The following GNG2 variants were observed in gnomAD, a reference collection of about 807,000 sequenced individuals.
The protein encoded by GNG2 is G protein subunit gamma 2.
Under a neutral mutation model 5.5 loss-of-function variants are expected in GNG2, and 5 were observed. That is an observed-to-expected ratio of 0.91 (90% CI 0.48 to 1.92). The LOEUF (loss-of-function observed/expected upper bound fraction) is 1.92, where lower values mean the gene tolerates loss of function less well. GNG2 is among the 30% of genes most tolerant of loss of function. The pLI, the probability that GNG2 is intolerant of heterozygous loss-of-function variation, is 0.01. For synonymous variants in GNG2, 28 were observed against 32.0 expected, an observed-to-expected ratio of 0.88 and a Z score of 0.42; for missense variants, 55 against 88.4, an observed-to-expected ratio of 0.62 and a Z score of 1.52.
At chr14:51,918,599 A>G (rs1336645156) in intron 2 of GNG2, 1 of 151,896 alleles carries the variant, frequency 6.6e-6, no homozygotes, top group African/African-American at 2.4e-5. Context: ...AAAATAAGTA[A>G]AAAAATAAAC....
At chr14:51,833,384 T>A (rs546806245) in intron 2 of GNG2, among the ~76,000 whole-genome samples, 8 of 152,354 alleles carry the variant, frequency 5.3e-5, no homozygotes, top group Middle Eastern at 3.4e-3. Flanking sequence ...CTAATGTAGA[T>A]CACTTTACCC....
At chr14:51,853,245 G>C (rs1302559726) in intron 2 of GNG2, among the ~76,000 whole-genome samples, 1 of 152,206 alleles carries the variant, frequency 6.6e-6, no homozygotes, top group African/African-American at 2.4e-5. Flanking sequence ...ACAAAGTGCT[G>C]TGCGAGGTGG....
intron 2 of GNG2, among the ~76,000 whole-genome samples, chr14:51,884,676 C>T (rs994520455): frequency 2.0e-5 from 3 of 152,120 alleles, no homozygotes; most frequent in African/African-American, 7.2e-5. Context: ...TTGATTCTGC[C>T]CCTTGGACAA....
chr14:51,886,158 A>G (rs1594876493), intron 2 of GNG2, among the ~76,000 whole-genome samples: 1 of 152,250 alleles, frequency 6.6e-6, no homozygotes, highest in Non-Finnish European at 1.5e-5. Flanking sequence ...TGATGTCACC[A>G]TGGAAATATA....
At chr14:51,925,787 AT>A (rs11288986) in intron 2 of GNG2, among the ~76,000 whole-genome samples, 79,953 of 147,082 alleles carry the variant, frequency 0.54, 21,918 homozygotes, top group African/African-American at 0.67. Flanking sequence ...AATTTTTGTA[AT>A]TTTTTTTTTT....
At chr14:51,875,947 C>CTTTTTTTTT (rs10529707) in intron 1 of GNG2, among the ~76,000 whole-genome samples, 9 of 141,126 alleles carry the variant, frequency 6.4e-5, no homozygotes, top group Non-Finnish European at 6.1e-5. Context: ...ACATTTTTTT[C>CTTTTTTTTT]TTTTTTCCGA....
chr14:51,942,589 C>CTTTCTTTCTTTCTTTCTTTTTTTTTTT (rs761049973), intron 2 of GNG2, among the ~76,000 whole-genome samples: 5 of 81,142 alleles, frequency 6.2e-5, no homozygotes, highest in African/African-American at 3.0e-4. Context: ...TTCTTTCTTT[C>CTTTCTTTCTTTCTTTCTTTTTTTTTTT]TTTTTTTTTT....
At chr14:51,893,570 A>G (rs1308303871) in intron 2 of GNG2, among the ~76,000 whole-genome samples, 1 of 151,762 alleles carries the variant, frequency 6.6e-6, no homozygotes, top group Non-Finnish European at 1.5e-5. Flanking sequence ...CCTTTGTCAT[A>G]CTTTTTCTTT....
intron 2 of GNG2, among the ~76,000 whole-genome samples, chr14:51,840,395 C>T (rs374147958): frequency 2.6e-5 from 4 of 152,304 alleles, no homozygotes; most frequent in South Asian, 4.1e-4. Context: ...AAAGTAGCTC[C>T]TTGAGCCCAT....
chr14:51,869,360 T>A (rs1343411528), intron 1 of GNG2, among the ~76,000 whole-genome samples: 1 of 152,196 alleles, frequency 6.6e-6, no homozygotes, highest in African/African-American at 2.4e-5. Flanking sequence ...CTGGATAATG[T>A]CCTTAGCAAC....
chr14:51,865,613 ACCT>A lies in GNG2; in HGVS notation c.-71+4826_-71+4828del, dbSNP rs138125034. ...GAGTTAAACAGTTCATTAATTCCTCACCTCCCAGTTACAACTCCATTTCACTTA... is the reference window on the plus strand; with the variant it reads ...GAGTTAAACAGTTCATTAATTCCTCACCCAGTTACAACTCCATTTCACTTA... On this transcript the variant is annotated intron_variant, in intron 1 of 3. Transcript: ENST00000556766. 2.2e-3 allele frequency among the ~76,000 whole-genome samples: 330 copies of A among 152,126 alleles called. 3 individuals carry two copies. Among genetic ancestry groups the A allele is most frequent in the African/African-American group, 7.6e-3 (316 of 41,470 alleles).
At chr14:51,966,471 T>A in intron 3 of GNG2, 88 bp from the exon 4 acceptor site, 2 of 1,151,408 alleles carry the variant, frequency 1.7e-6, no homozygotes, top group Non-Finnish European at 2.6e-6. Flanking sequence ...GAGCAAGGAT[T>A]TGATGCCAGG....
chr14:51,890,506 C>T (rs1300156718), intron 2 of GNG2, among the ~76,000 whole-genome samples: 1 of 152,098 alleles, frequency 6.6e-6, no homozygotes, highest in East Asian at 1.9e-4. Flanking sequence ...ATTATTTTCC[C>T]AAGGTGACTT....
At chr14:51,833,888 G>A (rs1287782670) in intron 2 of GNG2, among the ~76,000 whole-genome samples, 1 of 152,200 alleles carries the variant, frequency 6.6e-6, no homozygotes. Flanking sequence ...CCTTTACAGT[G>A]ATATTGGTGG....
At chr14:51,897,372 C>T (rs1019085725) in intron 2 of GNG2, among the ~76,000 whole-genome samples, 9 of 152,072 alleles carry the variant, frequency 5.9e-5, no homozygotes, top group African/African-American at 2.2e-4. Flanking sequence ...GAAGTGATGG[C>T]CCCCATAACT....
At chr14:51,882,680 C>T (rs903606991) in intron 2 of GNG2, among the ~76,000 whole-genome samples, 14 of 152,144 alleles carry the variant, frequency 9.2e-5, no homozygotes, top group Non-Finnish European at 1.3e-4. Flanking sequence ...TATCGTGGGA[C>T]AGAATTTGCA....
rs1890108847 is a variant in GNG2 at position 51,969,613 on chromosome 14, T to C, written c.*2926T>C. 3 of 152,258 alleles carry C rather than the reference T, an allele frequency of 2.0e-5. No individual in the cohort carries two copies. The highest frequency in any genetic ancestry group is 2.9e-5 in the Non-Finnish European group (2 of 68,044). The allele number at this position is 152,258 out of a possible 1,614,324, so 9.4% of individuals were successfully genotyped here. ...TGCTCTTGGCAATGATGAATTGTTA[T>C]GTATGCATTAATGTTTTGCAGCCCA... On this transcript the variant is annotated 3_prime_UTR_variant, in exon 4 of 4. Coordinates refer to ENST00000556766, the MANE Select transcript of GNG2 (RefSeq NM_053064.5).
intron 3 of GNG2, among the ~76,000 whole-genome samples, chr14:51,964,770 G>A (rs146193748): frequency 4.9e-4 from 75 of 152,282 alleles, no homozygotes; most frequent in African/African-American, 1.6e-3. Flanking sequence ...CCAGGACTCC[G>A]GAAGGTGAGG....
chr14:51,852,255 A>G (rs932627913), intron 2 of GNG2, among the ~76,000 whole-genome samples: 5 of 152,256 alleles, frequency 3.3e-5, no homozygotes, highest in African/African-American at 9.6e-5. Flanking sequence ...CATTTTAAAA[A>G]TTAAAAAGAG....
Sources: allele counts gnomAD v4.1 joint callset (sites outside exome capture counted in the v4.1 genomes callset), GRCh38; gene constraint gnomAD v4.1.1; transcripts MANE v1.5; gene names NCBI Gene and HGNC (gene_info 2026-07-23, HGNC 2026-07-21).